ADGRB3: variants seen among roughly 807,000 people sequenced by gnomAD.
ADGRB3 encodes the protein adhesion G protein-coupled receptor B3.
A neutral mutation model predicts 193.4 loss-of-function variants in ADGRB3; 37 were observed. That is an observed-to-expected ratio of 0.19 (90% CI 0.15 to 0.25). ADGRB3 has a LOEUF of 0.25. Ranked by LOEUF, ADGRB3 falls within the 10% of genes least tolerant of loss-of-function variation. The pLI is 1.00. For synonymous variants in ADGRB3, 690 were observed against 644.2 expected (o/e 1.07, Z -1.08); for missense variants, 1,637 against 1,852.9 (o/e 0.88, Z 2.14).
At chr6:69,015,649 ATGTAGAACAGACCTC>A (rs1717910750) in intron 12 of ADGRB3, among the ~76,000 whole-genome samples, 1 of 151,952 alleles carries the variant, frequency 6.6e-6, no homozygotes, top group Non-Finnish European at 1.5e-5. Context: ...ACAAAAGTAA[ATGTAGAACAGACCTC>A]TGTGTACGTT....
chr6:69,344,391 A>G (rs1769040577), intron 26 of ADGRB3, among the ~76,000 whole-genome samples: 1 of 151,842 alleles, frequency 6.6e-6, no homozygotes, highest in Non-Finnish European at 1.5e-5. Context: ...TCCCTCTCCC[A>G]CTCGCACCCT....
intron 1 of ADGRB3, among the ~76,000 whole-genome samples, 186 bp downstream of exon 1, chr6:68,636,186 G>A (rs982676192): frequency 6.6e-6 from 1 of 152,110 alleles, no homozygotes; most frequent in African/African-American, 2.4e-5. Context: ...AGAGAAGTCT[G>A]GTTTTCAAGA....
In ADGRB3 at chr6:69,114,649, T is replaced by G. The variant is rs545423379; in HGVS notation, c.2480+38611T>G. On this transcript the variant is annotated intron_variant, in intron 17 of 31. Coordinates refer to ENST00000370598, the MANE Select transcript of ADGRB3 (RefSeq NM_001704.3). ...AGGGTTTTTATGGTTTTAGGTCTTATGTTTAAGTCTTTAATCAACCTTGAG... is the reference window on the plus strand; with the variant it reads ...AGGGTTTTTATGGTTTTAGGTCTTAGGTTTAAGTCTTTAATCAACCTTGAG... 1.5e-3 allele frequency among the ~76,000 whole-genome samples: 226 copies of G among 152,276 alleles called. 1 individual carries two copies. The highest frequency in any genetic ancestry group is 5.2e-3 in the African/African-American group (216 of 41,550).
At chr6:68,765,081 A>G (rs2127353044) in intron 3 of ADGRB3, among the ~76,000 whole-genome samples, 1 of 152,294 alleles carries the variant, frequency 6.6e-6, no homozygotes, top group South Asian at 2.1e-4. Context: ...ATAGATTCTC[A>G]GGGTTCATGT....
At chr6:69,227,593 CA>C (rs769686177) in intron 17 of ADGRB3, among the ~76,000 whole-genome samples, 1 of 152,134 alleles carries the variant, frequency 6.6e-6, no homozygotes. Context: ...ACTGATTAGG[CA>C]GAAAACATAT....
At chr6:68,863,750 T>C (rs1401838955) in intron 3 of ADGRB3, among the ~76,000 whole-genome samples, 2 of 152,166 alleles carry the variant, frequency 1.3e-5, no homozygotes, top group Non-Finnish European at 2.9e-5. Flanking sequence ...TGATGATTAT[T>C]GCCTGTAAGC....
chr6:68,991,553 C>T (rs1033268382), intron 10 of ADGRB3, among the ~76,000 whole-genome samples: 1 of 150,338 alleles, frequency 6.7e-6, no homozygotes, highest in African/African-American at 2.4e-5. Context: ...AAGGCCCCCG[C>T]CATCCCCTCG....
chr6:68,639,987 C>T (rs1768046052), intron 3 of ADGRB3, among the ~76,000 whole-genome samples: 1 of 152,158 alleles, frequency 6.6e-6, no homozygotes, highest in Non-Finnish European at 1.5e-5. Flanking sequence ...CACATGAAGG[C>T]AGGTGTACCC....
At chr6:69,189,073 A>G (rs1048124041) in intron 17 of ADGRB3, among the ~76,000 whole-genome samples, 11 of 152,162 alleles carry the variant, frequency 7.2e-5, no homozygotes, top group Non-Finnish European at 1.5e-4. Context: ...ATGATAACCA[A>G]TGAATTTAAC....
chr6:69,297,382 C>CTA (rs1767848964), intron 20 of ADGRB3, among the ~76,000 whole-genome samples: 4 of 140,172 alleles, frequency 2.9e-5, no homozygotes, highest in Non-Finnish European at 6.1e-5. Context: ...CTCTCTCTCT[C>CTA]TCTCTCTCTA....
intron 20 of ADGRB3, among the ~76,000 whole-genome samples, chr6:69,260,181 T>G: frequency 6.6e-6 from 1 of 152,328 alleles, no homozygotes; most frequent in South Asian, 2.1e-4. Flanking sequence ...CTATTAAAAA[T>G]TAATTTATTA....
intron 3 of ADGRB3, among the ~76,000 whole-genome samples, chr6:68,702,813 GT>G (rs1765264350): frequency 6.6e-6 from 1 of 152,084 alleles, no homozygotes; most frequent in African/African-American, 2.4e-5. Context: ...AGTAGTTTCT[GT>G]TTTTCTGATC....
At chr6:68,931,892 A>C (rs1351524259) in intron 4 of ADGRB3, among the ~76,000 whole-genome samples, 1 of 152,200 alleles carries the variant, frequency 6.6e-6, no homozygotes, top group Admixed American at 6.6e-5. Context: ...AACCAAATAC[A>C]GAAATGTAGA....
At chr6:69,166,850 A>G (rs563829257) in intron 17 of ADGRB3, among the ~76,000 whole-genome samples, 15 of 152,280 alleles carry the variant, frequency 9.9e-5, no homozygotes, top group Admixed American at 6.5e-4. Flanking sequence ...GAGCAGTACA[A>G]TGGACTCTCA....
chr6:69,132,486 T>G (rs1386860626), intron 17 of ADGRB3, among the ~76,000 whole-genome samples: 1 of 152,198 alleles, frequency 6.6e-6, no homozygotes, highest in Admixed American at 6.5e-5. Flanking sequence ...GTTTTTTTCT[T>G]GTAAATTTGT....
intron 20 of ADGRB3, among the ~76,000 whole-genome samples, chr6:69,265,985 C>T (rs1003905561): frequency 3.9e-5 from 6 of 151,958 alleles, no homozygotes; most frequent in Admixed American, 6.6e-5. Flanking sequence ...TCAAATCACT[C>T]GAATTCTTTC....
At chr6:68,769,186 TG>T (rs1180021677) in intron 3 of ADGRB3, among the ~76,000 whole-genome samples, 1 of 152,218 alleles carries the variant, frequency 6.6e-6, no homozygotes, top group Non-Finnish European at 1.5e-5. Context: ...GTCCCATCAC[TG>T]GGTATGCACC....
intron 3 of ADGRB3, among the ~76,000 whole-genome samples, chr6:68,875,111 T>C (rs1250985655): frequency 7.8e-5 from 9 of 114,822 alleles, no homozygotes; most frequent in Admixed American, 9.7e-5. Flanking sequence ...CCTTCCTTCC[T>C]TCCTTTCTTT....
intron 30 of ADGRB3, among the ~76,000 whole-genome samples, chr6:69,372,727 A>G (rs1241213161): frequency 6.6e-6 from 1 of 151,986 alleles, no homozygotes; most frequent in Admixed American, 6.6e-5. Context: ...AACCTGGTTG[A>G]TTCAGTTTGT....
Sources: allele counts gnomAD v4.1 joint callset (sites outside exome capture counted in the v4.1 genomes callset), GRCh38; gene constraint gnomAD v4.1.1; transcripts MANE v1.5; gene names NCBI Gene and HGNC (gene_info 2026-07-23, HGNC 2026-07-21).